Variants in ARHGEF3 observed in about 807,000 individuals in gnomAD.
ARHGEF3 encodes Rho guanine nucleotide exchange factor 3.
A neutral mutation model predicts 63.2 loss-of-function variants in ARHGEF3; 28 were observed. The observed-to-expected ratio is 0.44, with a 90% CI of 0.33 to 0.61. The LOEUF (loss-of-function observed/expected upper bound fraction) is 0.61, where lower values mean the gene tolerates loss of function less well. Among genes scored for constraint, ARHGEF3 ranks in the 20% least tolerant of loss-of-function variants. ARHGEF3 has a pLI of 0.03. For synonymous variants in ARHGEF3, 266 were observed against 254.2 expected (o/e 1.05, Z -0.44); for missense variants, 533 against 659.3 (o/e 0.81, Z 2.10).
At chr3:56,778,401 G>C (rs908561173) in intron 1 of ARHGEF3, among the ~76,000 whole-genome samples, 9 of 152,202 alleles carry the variant, frequency 5.9e-5, no homozygotes, top group Non-Finnish European at 1.3e-4. Context: ...TTTTCTGTAA[G>C]GGGCTACCCA....
At chr3:56,784,825 G>C (rs1230916951) in intron 1 of ARHGEF3, among the ~76,000 whole-genome samples, 1 of 152,188 alleles carries the variant, frequency 6.6e-6, no homozygotes, top group Admixed American at 6.5e-5. Context: ...TCTGGTCAGA[G>C]TGCAATACCC....
chr3:56,963,716 G>A lies in ARHGEF3; in HGVS notation c.63-4827C>T, dbSNP rs1045786075. On this transcript the variant is annotated intron_variant, in intron 2 of 12. Coordinates refer to the ARHGEF3 transcript ENST00000338458. Reference sequence around the variant, plus strand: ...ATATTTTTTAAGAGAAATCTGTGCCGAATGTGGTACCACCTGTGCCAGGTA... The same window carrying A: ...ATATTTTTTAAGAGAAATCTGTGCCAAATGTGGTACCACCTGTGCCAGGTA... Among the ~76,000 whole-genome samples the A allele has an allele frequency of 2.3e-4, 35 of 152,138 alleles. 1 individual carries two copies. Among genetic ancestry groups the A allele is most frequent in the African/African-American group, 7.0e-4 (29 of 41,428 alleles).
At chr3:56,790,858 A>G (rs2037045752) in intron 1 of ARHGEF3, among the ~76,000 whole-genome samples, 2 of 152,102 alleles carry the variant, frequency 1.3e-5, no homozygotes, top group African/African-American at 2.4e-5. Flanking sequence ...TCCTCTAGGA[A>G]GACTCCACAT....
chr3:56,999,797 CA>C (rs1372467155), intron 2 of ARHGEF3, among the ~76,000 whole-genome samples: 1 of 152,118 alleles, frequency 6.6e-6, no homozygotes, highest in Non-Finnish European at 1.5e-5. Flanking sequence ...ACCTCATCCC[CA>C]AAACAAGAAA....
At chr3:56,959,141 A>C (rs1452131233) in intron 2 of ARHGEF3, among the ~76,000 whole-genome samples, 2 of 152,136 alleles carry the variant, frequency 1.3e-5, no homozygotes, top group Non-Finnish European at 2.9e-5. Flanking sequence ...ATAAAATCTA[A>C]CACGCAACCT....
chr3:56,930,288 G>T (rs2042376858), intron 3 of ARHGEF3, among the ~76,000 whole-genome samples: 1 of 152,138 alleles, frequency 6.6e-6, no homozygotes. Context: ...GAACCCGGTG[G>T]CTGTAAGCAA....
intron 9 of ARHGEF3, among the ~76,000 whole-genome samples, chr3:56,730,619 G>A (rs549770136): frequency 6.6e-6 from 1 of 152,192 alleles, no homozygotes; most frequent in East Asian, 1.9e-4. Flanking sequence ...GACCTCAGGT[G>A]ATCCACCCAC....
chr3:56,767,339 T>C (rs2035758130), intron 2 of ARHGEF3, among the ~76,000 whole-genome samples: 1 of 151,608 alleles, frequency 6.6e-6, no homozygotes, highest in Non-Finnish European at 1.5e-5. Flanking sequence ...TCCCAGCACT[T>C]TGGGAGGCTG....
intron 4 of ARHGEF3, among the ~76,000 whole-genome samples, chr3:56,850,787 A>G (rs1009959869): frequency 1.3e-5 from 2 of 152,212 alleles, no homozygotes; most frequent in Admixed American, 6.5e-5. Flanking sequence ...TTCAATTTTT[A>G]TCATCAGTCA....
intron 1 of ARHGEF3, among the ~76,000 whole-genome samples, chr3:57,054,714 C>A (rs1314650694): frequency 6.7e-6 from 1 of 149,194 alleles, no homozygotes; most frequent in Non-Finnish European, 1.5e-5. Flanking sequence ...TGCAGTGGCG[C>A]AATCTCAGCT....
At chr3:57,036,140 T>C (rs879906013) in intron 1 of ARHGEF3, among the ~76,000 whole-genome samples, 1 of 152,132 alleles carries the variant, frequency 6.6e-6, no homozygotes, top group Admixed American at 6.6e-5. Flanking sequence ...GAGGGCCTGG[T>C]GCATAGTAAG....
At chr3:56,776,331 C>T (rs773724671) in intron 1 of ARHGEF3, among the ~76,000 whole-genome samples, 7 of 152,180 alleles carry the variant, frequency 4.6e-5, no homozygotes, top group Non-Finnish European at 1.0e-4. Flanking sequence ...AAGGCATTGC[C>T]GATTTGGATG....
chr3:56,948,736 TCCAA>T (rs1216744619), intron 3 of ARHGEF3, among the ~76,000 whole-genome samples: 2 of 152,022 alleles, frequency 1.3e-5, no homozygotes, highest in Admixed American at 1.3e-4. Context: ...CTGAAACTAT[TCCAA>T]TCAACAGAAA....
chr3:56,823,238 A>G (rs2108046134), intron 4 of ARHGEF3, among the ~76,000 whole-genome samples: 1 of 152,260 alleles, frequency 6.6e-6, no homozygotes, highest in African/African-American at 2.4e-5. Flanking sequence ...TATAAGAGGG[A>G]AAAAAAGACA....
intron 1 of ARHGEF3, among the ~76,000 whole-genome samples, chr3:57,054,544 G>A (rs1004227672): frequency 6.6e-6 from 1 of 151,584 alleles, no homozygotes; most frequent in Non-Finnish European, 1.5e-5. Context: ...AGGCTGAGGT[G>A]GGAGGATTGC....
At chr3:56,843,066 G>A (rs1427898985) in intron 4 of ARHGEF3, among the ~76,000 whole-genome samples, 2 of 152,100 alleles carry the variant, frequency 1.3e-5, no homozygotes, top group Non-Finnish European at 2.9e-5. Context: ...ACTGCCACTG[G>A]AGCCACCAGG....
intron 1 of ARHGEF3, chr3:57,078,410 A>C (rs1279898191): frequency 6.6e-6 from 1 of 152,270 alleles, no homozygotes; most frequent in Non-Finnish European, 1.5e-5. Context: ...CTCTAAGAAC[A>C]AGGCGCTCTG....
intron 3 of ARHGEF3, among the ~76,000 whole-genome samples, chr3:56,754,663 A>T (rs1392318655): frequency 6.6e-6 from 1 of 152,256 alleles, no homozygotes; most frequent in Non-Finnish European, 1.5e-5. Flanking sequence ...TAAATATTTT[A>T]AAATAGTCTA....
At chr3:56,949,565 A>C (rs1360212322) in intron 3 of ARHGEF3, among the ~76,000 whole-genome samples, 7 of 152,068 alleles carry the variant, frequency 4.6e-5, no homozygotes, top group African/African-American at 9.7e-5. Context: ...TAGGAATCCA[A>C]CTTACAAGGG....
Sources: allele counts gnomAD v4.1 joint callset (sites outside exome capture counted in the v4.1 genomes callset), GRCh38; gene constraint gnomAD v4.1.1; transcripts MANE v1.5; gene names NCBI Gene and HGNC (gene_info 2026-07-23, HGNC 2026-07-21).